Variants in DERPC observed in about 807,000 individuals in gnomAD.
The protein encoded by DERPC is decreased expression in renal and prostate cancer protein.
DERPC carries 1 observed loss-of-function variant against 7.2 expected under a neutral mutation model. That is an observed-to-expected ratio of 0.14 (90% CI 0.05 to 0.66). DERPC has a LOEUF of 0.66. Among genes scored for constraint, DERPC ranks in the 30% least tolerant of loss-of-function variants. The pLI, the probability that DERPC is intolerant of heterozygous loss-of-function variation, is 0.84. For missense variants in DERPC, 502 were observed against 299.4 expected, an observed-to-expected ratio of 1.68 and a Z score of -4.99; for synonymous variants, 185 against 117.6, an observed-to-expected ratio of 1.57 and a Z score of -3.71.
intron 1 of DERPC, among the ~76,000 whole-genome samples, chr16:69,121,730 C>T (rs370291280): frequency 1.3e-5 from 2 of 150,530 alleles, no homozygotes; most frequent in Non-Finnish European, 3.0e-5. Flanking sequence ...TGCAATGGCA[C>T]GATCTCAGCT....
Position 69,118,158 on chromosome 16 carries a change from C to CAA in DERPC, c.*695_*696insTT. The CAA allele has an allele frequency of 2.2e-6, 1 of 447,672 alleles. No individual in the cohort carries two copies. Among genetic ancestry groups the CAA allele is most frequent in the Non-Finnish European group, 4.1e-6 (1 of 242,248 alleles). The allele number at this position is 447,672 out of a possible 1,614,324, so 27.7% of individuals were successfully genotyped here. On this transcript the variant is annotated 3_prime_UTR_variant, in exon 3 of 3. Transcript: ENST00000519520. Reference sequence around the variant, plus strand: ...ACCCTAATTCCCATATTCCCATCCACATCAGTTTAAATTTTGAGGTTCTTT... The same window carrying CAA: ...ACCCTAATTCCCATATTCCCATCCACAAATCAGTTTAAATTTTGAGGTTCTTT...
At chr16:69,122,365 C>CT (rs869246617) in intron 1 of DERPC, among the ~76,000 whole-genome samples, 2,776 of 140,328 alleles carry the variant, frequency 0.02, 33 homozygotes, top group Middle Eastern at 0.03. Context: ...TAAGGATATT[C>CT]TTTTTTTTTT....
At chr16:69,122,365 CT>C (rs869246617) in intron 1 of DERPC, among the ~76,000 whole-genome samples, 8,916 of 140,294 alleles carry the variant, frequency 0.064, 240 homozygotes, top group South Asian at 0.1. Context: ...TAAGGATATT[CT>C]TTTTTTTTTT....
chr16:69,122,931 A>C (rs1233985575), intron 1 of DERPC, among the ~76,000 whole-genome samples: 1 of 151,686 alleles, frequency 6.6e-6, no homozygotes, highest in Non-Finnish European at 1.5e-5. Context: ...CACCCACCTC[A>C]GCCTCCCAAA....
rs1597104875 is a variant in DERPC at position 69,118,706 on chromosome 16, A to T, written c.*148T>A. The T allele has an allele frequency of 6.1e-6, 4 of 651,258 alleles. No individual in the cohort carries two copies. Among genetic ancestry groups the T allele is most frequent in the Non-Finnish European group, 1.1e-5 (4 of 362,106 alleles). 40.3% of individuals were successfully genotyped at this position (651,258 alleles called of 1,614,324 possible). On this transcript the variant is annotated 3_prime_UTR_variant, in exon 3 of 3. Transcript: ENST00000519520. ...AACATCTCACCTTCAGTCAAGAAAA[A>T]CGCAAAGGAAAAAGATGGCTCATTT...
Position 69,118,882 on chromosome 16 carries a change from A to G in DERPC, c.1547T>C (p.Met516Thr), listed in dbSNP as rs961963608. ...FPRPGGPMAA[M>T]YPNGMLPP ...AGGGGGCAACATTCCATTTGGGTACATTGCAGCCATTGGACCCCCTGGTCT... is the reference window on the plus strand; with the variant it reads ...AGGGGGCAACATTCCATTTGGGTACGTTGCAGCCATTGGACCCCCTGGTCT... The change falls in exon 3 of 3, where the codon ATG (methionine) becomes ACG (threonine). Residue 516 changes from methionine to threonine, a missense_variant. By Grantham distance (81) the Met-to-Thr change is moderately conservative. Transcript: ENST00000519520. 1.0e-5 allele frequency: 7 copies of G among 702,910 alleles called. No homozygotes were observed. Among genetic ancestry groups the G allele is most frequent in the Non-Finnish European group, 1.8e-5 (7 of 384,974 alleles). 43.5% of individuals were successfully genotyped at this position (702,910 alleles called of 1,614,324 possible).
Position 69,119,324 on chromosome 16 carries a change from ATGAACC to A in DERPC, c.1099_1104del (p.Gly367_Ser368del). The stretch of plus-strand genomic sequence containing the variant: ...GTGCCAGAAGACTGAGAAAAGGCAG[ATGAACC>A]TGCTCCCCTGGGAAAGGGATTGGCA... On this transcript the variant is annotated inframe_deletion, in exon 3 of 3. Transcript: ENST00000519520. 2.8e-6 allele frequency: 2 copies of A among 703,084 alleles called. No individual in the cohort carries two copies. The highest frequency in any genetic ancestry group is 5.2e-6 in the Non-Finnish European group (2 of 385,030). The allele number at this position is 703,084 out of a possible 1,614,324, so 43.6% of individuals were successfully genotyped here.
chr16:69,119,117 G>C lies in DERPC; in HGVS notation c.1312C>G (p.Gln438Glu). 1 of 702,988 alleles carries C rather than the reference G, an allele frequency of 1.4e-6. No individual in the cohort carries two copies. The allele number at this position is 702,988 out of a possible 1,614,324, so 43.5% of individuals were successfully genotyped here. Residue 438 changes from glutamine (Q) to glutamate (E), a missense_variant, in exon 3 of 3, where the codon CAA (glutamine) becomes GAA (glutamate). Transcript: ENST00000519520. ...GCAGCTGGCCTGGGGAAAGTAACTT[G>C]ACCAGGGCCTAATGGGCCAGTAGAC... Reference protein sequence around the residue: ...PRSTGPLGPGQVTFPRPAAGH... With the variant: ...PRSTGPLGPGEVTFPRPAAGH...
chr16:69,121,226 G>T, intron 2 of DERPC: 1 of 1,500,632 alleles, frequency 6.7e-7, no homozygotes, highest in Non-Finnish European at 9.2e-7. Flanking sequence ...GATGAATAGT[G>T]TCCTCACACC....
intron 1 of DERPC, among the ~76,000 whole-genome samples, chr16:69,131,685 C>T (rs529975098): frequency 2.7e-5 from 4 of 150,796 alleles, no homozygotes; most frequent in Admixed American, 1.3e-4. Context: ...TTTAAACCGC[C>T]TTCCTCCACA....
At chr16:69,130,836 G>A (rs1387368183) in intron 1 of DERPC, among the ~76,000 whole-genome samples, 1 of 152,188 alleles carries the variant, frequency 6.6e-6, no homozygotes, top group African/African-American at 2.4e-5. Flanking sequence ...CAGGTCATCA[G>A]AATAAAATCA....
chr16:69,129,008 G>A (rs1962292480), intron 1 of DERPC, among the ~76,000 whole-genome samples: 1 of 151,990 alleles, frequency 6.6e-6, no homozygotes, highest in African/African-American at 2.4e-5. Flanking sequence ...TAGTTACAGT[G>A]AGCCGAGACT....
At chr16:69,125,515 G>A (rs528022131) in intron 1 of DERPC, among the ~76,000 whole-genome samples, 161 of 152,238 alleles carry the variant, frequency 1.1e-3, no homozygotes, top group Non-Finnish European at 1.1e-3. Flanking sequence ...TAATGAGAAC[G>A]AAAAAGAATC....
At chr16:69,124,874 C>A (rs780242775) in intron 1 of DERPC, among the ~76,000 whole-genome samples, 7 of 152,018 alleles carry the variant, frequency 4.6e-5, no homozygotes, top group Non-Finnish European at 8.8e-5. Context: ...TCCTAGAGCA[C>A]CAAACACTTT....
chr16:69,129,428 A>C (rs11641720), intron 1 of DERPC, among the ~76,000 whole-genome samples: 1 of 105,522 alleles, frequency 9.5e-6, no homozygotes, highest in Non-Finnish European at 2.0e-5. Context: ...AGACTCCGTC[A>C]CAAAAAAAAA....
rs144556678 is a variant in DERPC at position 69,118,620 on chromosome 16, G to A, written c.*234C>T. The A allele has an allele frequency of 8.8e-4, 619 of 705,710 alleles. 2 individuals are homozygous for A. The African/African-American group carries it at 9.6e-3, about 11-fold the overall frequency. The allele number at this position is 705,710 out of a possible 1,614,324, so 43.7% of individuals were successfully genotyped here. On this transcript the variant is annotated 3_prime_UTR_variant, in exon 3 of 3. Coordinates refer to ENST00000519520, the MANE Select transcript of DERPC (RefSeq NM_001002847.4). ...AAGCACAGCAGGCTTCTGGGAGGCTGGAGATCCTTTCTCTCAAGGGCAGGA... is the reference window on the plus strand; with the variant it reads ...AAGCACAGCAGGCTTCTGGGAGGCTAGAGATCCTTTCTCTCAAGGGCAGGA...
Position 69,121,507 on chromosome 16 carries a change from A to G in DERPC, c.-279-14T>C. 6.5e-7 allele frequency: 1 copy of G among 1,528,748 alleles called. No homozygotes were observed. Among genetic ancestry groups the G allele is most frequent in the Non-Finnish European group, 8.9e-7 (1 of 1,120,498 alleles). 94.7% of individuals were successfully genotyped at this position (1,528,748 alleles called of 1,614,324 possible). Reference sequence around the variant, plus strand: ...AGTGAAAACAAGCTGTAGAGAGAAAAAAAGAGATTTAGGGTAATAACAACA... The same window carrying G: ...AGTGAAAACAAGCTGTAGAGAGAAAGAAAGAGATTTAGGGTAATAACAACA... On this transcript the variant is annotated splice_polypyrimidine_tract_variant and intron_variant, in intron 1 of 2. Coordinates refer to ENST00000519520, the MANE Select transcript of DERPC (RefSeq NM_001002847.4).
At chr16:69,122,134 C>T (rs1226728759) in intron 1 of DERPC, among the ~76,000 whole-genome samples, 1 of 152,132 alleles carries the variant, frequency 6.6e-6, no homozygotes, top group South Asian at 2.1e-4. Flanking sequence ...TTTCTAAGTC[C>T]TTTAGACACA....
At position 69,120,111 on chromosome 16, in the gene DERPC, G is replaced by A. The variant is rs1478157064; in HGVS notation, c.318C>T (p.Gly106=). 1.4e-6 allele frequency: 1 copy of A among 700,894 alleles called. No individual in the cohort carries two copies. Among genetic ancestry groups the A allele is most frequent in the Non-Finnish European group, 2.6e-6 (1 of 384,586 alleles). 43.4% of individuals were successfully genotyped at this position (700,894 alleles called of 1,614,324 possible). ...GCCTTGGGAAAGAAACTGCACCTGT[G>A]CCAGTGGGATTCATCCCTCTTGGAA... The part of the protein sequence containing the change: ...ASFPRGMNPT[G]TGAVSFPRPG... The change falls in exon 3 of 3, where the codon GGC becomes GGT. Residue 106 remains glycine (G), a synonymous_variant. Coordinates refer to ENST00000519520, the MANE Select transcript of DERPC (RefSeq NM_001002847.4). This position sits in a 1 kb window ranked among gnomAD's most constrained non-coding sequence, Gnocchi z 4.0.
Sources: gnomAD v4.1 joint callset for allele counts (sites outside exome capture counted in the v4.1 genomes callset) on GRCh38, gnomAD v4.1.1 for gene constraint, Gnocchi (gnomAD v3.1) non-coding constraint, MANE v1.5 for transcripts, NCBI Gene and HGNC (gene_info 2026-07-23, HGNC 2026-07-21) for gene names.